SLC9A9: variants seen among roughly 807,000 people sequenced by gnomAD.
SLC9A9 encodes sodium/hydrogen exchanger 9.
In SLC9A9, 62 loss-of-function variants were observed where a neutral mutation model predicts 77.8. That is an observed-to-expected ratio of 0.80 (90% CI 0.65 to 0.98). The LOEUF is 0.98. Ranked by LOEUF, SLC9A9 falls within the 50% of genes least tolerant of loss-of-function variation. SLC9A9 has a pLI of 0.00. For missense variants in SLC9A9, 775 were observed against 774.9 expected (o/e 1.00, Z 0.00); for synonymous variants, 320 against 283.5 (o/e 1.13, Z -1.29).
At position 143,832,049 on chromosome 3, in the gene SLC9A9, A is replaced by G; in HGVS notation, c.348T>C (p.Asn116=). Residue 116 remains asparagine, a synonymous_variant, in exon 2 of 16, where the codon AAT becomes AAC. Coordinates refer to ENST00000316549, the MANE Select transcript of SLC9A9 (RefSeq NM_173653.4). ...YKREISQHNI[N]PHQGNAILEK... is the part of the protein sequence containing the mutation. ...CAAGTATAGCATTTCCTTGATGAGG[A>G]TTGATGTTGTGCTGACTTATTTCTC... 2.5e-6 allele frequency: 4 copies of G among 1,612,808 alleles called. No individual in the cohort carries two copies. The highest frequency in any genetic ancestry group is 3.4e-6 in the Non-Finnish European group (4 of 1,179,330).
In SLC9A9 at chr3:143,266,289, T is replaced by G. The variant is rs529924832; in HGVS notation, c.*413A>C. On this transcript the variant is annotated 3_prime_UTR_variant, in exon 16 of 16. Coordinates refer to ENST00000316549, the MANE Select transcript of SLC9A9 (RefSeq NM_173653.4). ...CCCTTCAGCTTAGGAGCAAAATGTT[T>G]ACTCTCAGAAGCTTTCTTTTATTTT... 1.7e-6 allele frequency: 1 copy of G among 589,474 alleles called. No individual in the cohort carries two copies. The highest frequency in any genetic ancestry group is 2.8e-5 in the East Asian group (1 of 35,432). 36.5% of individuals were successfully genotyped at this position (589,474 alleles called of 1,614,324 possible).
At chr3:143,473,969 A>G (rs2035421744) in intron 11 of SLC9A9, among the ~76,000 whole-genome samples, 2 of 152,236 alleles carry the variant, frequency 1.3e-5, no homozygotes, top group Non-Finnish European at 2.9e-5. Context: ...GGTGGTATGA[A>G]GAAAACCAAA....
intron 12 of SLC9A9, among the ~76,000 whole-genome samples, chr3:143,420,960 A>G (rs1325282691): frequency 6.6e-6 from 1 of 152,212 alleles, no homozygotes; most frequent in Non-Finnish European, 1.5e-5. Flanking sequence ...AAATCAATGT[A>G]CAAAAATCAA....
intron 6 of SLC9A9, among the ~76,000 whole-genome samples, chr3:143,581,147 A>T (rs1263015932): frequency 6.6e-6 from 1 of 152,216 alleles, no homozygotes. Flanking sequence ...AGGAGGTGGC[A>T]TTTGAGCAAG....
At chr3:143,610,007 T>C (rs2037996411) in intron 6 of SLC9A9, among the ~76,000 whole-genome samples, 1 of 152,242 alleles carries the variant, frequency 6.6e-6, no homozygotes, top group Non-Finnish European at 1.5e-5. Context: ...ATTTTTCTTA[T>C]GACTCTATTC....
intron 5 of SLC9A9, among the ~76,000 whole-genome samples, chr3:143,687,662 T>C (rs2360866): frequency 0.43 from 65,004 of 151,770 alleles, 14,096 homozygotes; most frequent in South Asian, 0.6. Context: ...ATAAAAATCA[T>C]GGAATGTTAG....
intron 12 of SLC9A9, among the ~76,000 whole-genome samples, chr3:143,439,604 C>A (rs1393606754): frequency 6.6e-6 from 1 of 152,186 alleles, no homozygotes; most frequent in Non-Finnish European, 1.5e-5. Context: ...TCACACCTGG[C>A]TTGAGAGGTC....
At chr3:143,805,822 G>A (rs1014716244) in intron 2 of SLC9A9, among the ~76,000 whole-genome samples, 14 of 151,698 alleles carry the variant, frequency 9.2e-5, no homozygotes, top group South Asian at 4.2e-4. Context: ...ATCTCCCTTC[G>A]CTAACTCTCT....
intron 9 of SLC9A9, among the ~76,000 whole-genome samples, chr3:143,551,654 T>A (rs1263384580): frequency 1.3e-5 from 2 of 152,254 alleles, no homozygotes; most frequent in African/African-American, 4.8e-5. Context: ...GGTGATGTCC[T>A]ACTAAAGCTC....
At chr3:143,526,989 G>A (rs2036418871) in intron 9 of SLC9A9, among the ~76,000 whole-genome samples, 1 of 152,156 alleles carries the variant, frequency 6.6e-6, no homozygotes, top group East Asian at 1.9e-4. Flanking sequence ...TGCCCTGTGA[G>A]AATGATTAGG....
At chr3:143,449,946 T>C (rs2034962204) in intron 12 of SLC9A9, among the ~76,000 whole-genome samples, 2 of 81,724 alleles carry the variant, frequency 2.4e-5, no homozygotes, top group Non-Finnish European at 4.0e-5. Flanking sequence ...ATATATATTA[T>C]AATATACATT....
intron 14 of SLC9A9, among the ~76,000 whole-genome samples, chr3:143,302,700 C>T (rs1202389057): frequency 6.6e-6 from 1 of 152,158 alleles, no homozygotes; most frequent in Non-Finnish European, 1.5e-5. Context: ...AACCAGCCAG[C>T]AGGTTTGGTC....
At chr3:143,510,744 A>C (rs2036102375) in intron 9 of SLC9A9, among the ~76,000 whole-genome samples, 1 of 152,000 alleles carries the variant, frequency 6.6e-6, no homozygotes, top group Admixed American at 6.6e-5. Context: ...TCTGTTTTCT[A>C]CTGGTTGTAT....
chr3:143,618,620 C>T (rs1270941668), intron 6 of SLC9A9, among the ~76,000 whole-genome samples: 4 of 152,136 alleles, frequency 2.6e-5, no homozygotes, highest in Admixed American at 2.6e-4. Context: ...TTAGGACCAA[C>T]CTGGCACGAT....
At chr3:143,503,888 G>A in intron 9 of SLC9A9, 1 of 366,934 alleles carries the variant, frequency 2.7e-6, no homozygotes, top group Non-Finnish European at 5.3e-6. Context: ...CATGAACATG[G>A]GGGCATCAGA....
In SLC9A9 at chr3:143,266,941, A is replaced by G; in HGVS notation, c.1711-12T>C. 6.2e-7 allele frequency: 1 copy of G among 1,613,616 alleles called. No individual in the cohort carries two copies. The highest frequency in any genetic ancestry group is 8.5e-7 in the Non-Finnish European group (1 of 1,179,576). On this transcript the variant is annotated splice_polypyrimidine_tract_variant and intron_variant, in intron 15 of 15. Transcript: ENST00000316549. ...TCTTTTAGCTGTTCCTGGTTGGGAAAAGAGAGAGAGGTGTCACTTCATGAT... is the reference window on the plus strand; with the variant it reads ...TCTTTTAGCTGTTCCTGGTTGGGAAGAGAGAGAGAGGTGTCACTTCATGAT...
intron 6 of SLC9A9, among the ~76,000 whole-genome samples, chr3:143,584,404 C>T (rs1391335452): frequency 6.6e-6 from 1 of 152,212 alleles, no homozygotes; most frequent in Non-Finnish European, 1.5e-5. Context: ...GCCCGCTTCT[C>T]CAGCCTCAGT....
chr3:143,810,574 T>G (rs920302281), intron 2 of SLC9A9, among the ~76,000 whole-genome samples: 14 of 152,192 alleles, frequency 9.2e-5, no homozygotes, highest in Admixed American at 3.9e-4. Context: ...GGACTATCAC[T>G]GGGAATTGGA....
Position 143,668,709 on chromosome 3 carries a change from G to A in SLC9A9, c.650-16349C>T, listed in dbSNP as rs191220754. Reference sequence around the variant, plus strand: ...TGAATAAATGAATTAACAAGTGAATGAATCTCTGAAGGTCACCCACCATGT... The same window carrying A: ...TGAATAAATGAATTAACAAGTGAATAAATCTCTGAAGGTCACCCACCATGT... On this transcript the variant is annotated intron_variant, in intron 5 of 15. Transcript: ENST00000316549. Among the ~76,000 whole-genome samples, 33 of 152,310 alleles carry A rather than the reference G, an allele frequency of 2.2e-4. No homozygotes were observed. The Middle Eastern group carries it at 0.01, about 47-fold the overall frequency.
Sources: gnomAD v4.1 joint callset for allele counts (sites outside exome capture counted in the v4.1 genomes callset) on GRCh38, gnomAD v4.1.1 for gene constraint, MANE v1.5 for transcripts, NCBI Gene and HGNC (gene_info 2026-07-23, HGNC 2026-07-21) for gene names.